SGCZ: variants seen among roughly 807,000 people sequenced by gnomAD.
The protein encoded by SGCZ is sarcoglycan zeta, also known as zeta-sarcoglycan.
SGCZ carries 40 observed loss-of-function variants against 41.3 expected under a neutral mutation model. The observed-to-expected ratio is 0.97, with a 90% CI of 0.75 to 1.26. The LOEUF is 1.26. Among genes scored for constraint, SGCZ ranks in the 50% most tolerant of loss-of-function variants. SGCZ has a pLI of 0.00. For synonymous variants in SGCZ, 206 were observed against 137.5 expected (o/e 1.50, Z -3.49); for missense variants, 552 against 369.8 (o/e 1.49, Z -4.04).
chr8:14,198,942 A>T (rs1398287634), intron 4 of SGCZ, among the ~76,000 whole-genome samples: 3 of 152,106 alleles, frequency 2.0e-5, no homozygotes, highest in Admixed American at 1.3e-4. Context: ...TAAGCTGAGG[A>T]TGTATGTCGC....
intron 1 of SGCZ, among the ~76,000 whole-genome samples, chr8:15,156,017 C>T (rs377153895): frequency 5.0e-5 from 7 of 141,312 alleles, no homozygotes; most frequent in African/African-American, 1.9e-4. Flanking sequence ...AAGATCGTGC[C>T]ATTGCACTCC....
chr8:14,649,607 T>G (rs150414597), intron 1 of SGCZ, among the ~76,000 whole-genome samples: 1 of 152,044 alleles, frequency 6.6e-6, no homozygotes, highest in South Asian at 2.1e-4. Flanking sequence ...ATGAGAAACA[T>G]AAACCTAACT....
chr8:14,205,467 T>G (rs561066750), intron 4 of SGCZ, among the ~76,000 whole-genome samples: 1 of 152,322 alleles, frequency 6.6e-6, no homozygotes, highest in South Asian at 2.1e-4. Context: ...ATGTTTCAGT[T>G]TTTTTATTTT....
At chr8:14,898,157 C>T (rs765131919) in intron 1 of SGCZ, among the ~76,000 whole-genome samples, 7 of 152,020 alleles carry the variant, frequency 4.6e-5, no homozygotes, top group East Asian at 1.9e-4. Context: ...ATTACATTGC[C>T]CAGGCTGGTC....
At chr8:15,208,178 G>A (rs983368296) in intron 1 of SGCZ, among the ~76,000 whole-genome samples, 2 of 152,224 alleles carry the variant, frequency 1.3e-5, no homozygotes, top group African/African-American at 4.8e-5. Context: ...TGAAGAATGT[G>A]TAAAGAGATC....
intron 1 of SGCZ, among the ~76,000 whole-genome samples, chr8:14,877,324 A>G (rs1344878772): frequency 6.6e-6 from 1 of 152,286 alleles, no homozygotes; most frequent in South Asian, 2.1e-4. Context: ...TCTTGGCTAC[A>G]TCATGTCTGA....
chr8:14,885,984 G>GA (rs1804775908), intron 1 of SGCZ, among the ~76,000 whole-genome samples: 4 of 58,378 alleles, frequency 6.9e-5, no homozygotes, highest in African/African-American at 2.7e-4. Context: ...AGGACTTTAT[G>GA]TTATATATAT....
intron 4 of SGCZ, among the ~76,000 whole-genome samples, chr8:14,176,762 T>C (rs1485662011): frequency 6.6e-6 from 1 of 152,054 alleles, no homozygotes; most frequent in African/African-American, 2.4e-5. Flanking sequence ...CCAAACATTA[T>C]GGAGAGTATC....
At chr8:14,304,133 C>G (rs567474499) in intron 3 of SGCZ, among the ~76,000 whole-genome samples, 2 of 152,180 alleles carry the variant, frequency 1.3e-5, no homozygotes, top group Admixed American at 1.3e-4. Flanking sequence ...AGGGATTCAG[C>G]ATTCCTATTT....
chr8:14,604,193 G>A (rs1805675957), intron 1 of SGCZ, among the ~76,000 whole-genome samples: 1 of 152,032 alleles, frequency 6.6e-6, no homozygotes. Context: ...TATAAGCAAG[G>A]TACAAATAGA....
chr8:14,645,463 A>ATT (rs1487885827), intron 1 of SGCZ, among the ~76,000 whole-genome samples: 2 of 100,456 alleles, frequency 2.0e-5, no homozygotes, highest in African/African-American at 3.7e-5. Context: ...AGTATCATTG[A>ATT]TTATATATAT....
At chr8:14,650,525 G>C (rs563347843) in intron 1 of SGCZ, among the ~76,000 whole-genome samples, 1 of 151,880 alleles carries the variant, frequency 6.6e-6, no homozygotes, top group South Asian at 2.1e-4. Context: ...CCCTAAGGTA[G>C]GCCCCAGTGT....
chr8:15,139,256 C>G (rs576253609), intron 1 of SGCZ, among the ~76,000 whole-genome samples: 3 of 152,098 alleles, frequency 2.0e-5, no homozygotes, highest in Non-Finnish European at 2.9e-5. Context: ...ATTCTCTATT[C>G]TTTAGAGCTT....
intron 2 of SGCZ, among the ~76,000 whole-genome samples, chr8:14,520,667 G>T: frequency 6.6e-6 from 1 of 152,066 alleles, no homozygotes; most frequent in East Asian, 1.9e-4. Context: ...ATAAAAGAGA[G>T]AAGTGATTAA....
chr8:14,676,303 C>G (rs1330424657), intron 1 of SGCZ, among the ~76,000 whole-genome samples: 1 of 151,270 alleles, frequency 6.6e-6, no homozygotes, highest in Non-Finnish European at 1.5e-5. Context: ...TGAGACCAGC[C>G]TGAACAGCAT....
At chr8:14,721,177 A>T (rs1370936070) in intron 1 of SGCZ, among the ~76,000 whole-genome samples, 2 of 152,126 alleles carry the variant, frequency 1.3e-5, no homozygotes, top group Non-Finnish European at 2.9e-5. Context: ...TCAGTCCCTG[A>T]ACCTCTTCTT....
intron 1 of SGCZ, among the ~76,000 whole-genome samples, chr8:15,021,868 C>G (rs1247889079): frequency 1.3e-5 from 2 of 152,128 alleles, no homozygotes; most frequent in Non-Finnish European, 2.9e-5. Flanking sequence ...CCTGGAATGC[C>G]CTTGCTAATT....
intron 5 of SGCZ, among the ~76,000 whole-genome samples, chr8:14,112,270 G>GTT (rs369599896): frequency 1.3e-4 from 16 of 125,696 alleles, no homozygotes; most frequent in African/African-American, 4.0e-4. Flanking sequence ...AATTTTTTGA[G>GTT]TTTTTTTTTT....
chr8:15,235,705 T>A (rs1490756812), intron 1 of SGCZ, among the ~76,000 whole-genome samples: 1 of 152,130 alleles, frequency 6.6e-6, no homozygotes, highest in Non-Finnish European at 1.5e-5. Context: ...CAGAGTGGGA[T>A]AAGCTAGGAA....
Sources: gnomAD v4.1 joint callset for allele counts (sites outside exome capture counted in the v4.1 genomes callset) on GRCh38, gnomAD v4.1.1 for gene constraint, MANE v1.5 for transcripts, NCBI Gene and HGNC (gene_info 2026-07-23, HGNC 2026-07-21) for gene names.